The following THSD4 variants were observed in gnomAD, a reference collection of about 807,000 sequenced individuals.
THSD4 encodes the protein thrombospondin type-1 domain-containing protein 4.
In THSD4, 69 loss-of-function variants were observed where a neutral mutation model predicts 119.0. The ratio of observed to expected loss-of-function variants is 0.58; its 90% CI spans 0.48 to 0.71. The LOEUF (loss-of-function observed/expected upper bound fraction) is 0.71. Ranked by LOEUF, THSD4 falls within the 30% of genes least tolerant of loss-of-function variation. THSD4 has a pLI of 0.00. For missense variants in THSD4, 1,393 were observed against 1,391.1 expected (o/e 1.00, Z -0.02); for synonymous variants, 524 against 540.4 (o/e 0.97, Z 0.42).
At chr15:71,398,487 G>A (rs140830743) in intron 6 of THSD4, among the ~76,000 whole-genome samples, 2 of 152,266 alleles carry the variant, frequency 1.3e-5, no homozygotes, top group East Asian at 3.9e-4. Flanking sequence ...GCTGATGAAG[G>A]CCTGAGCTGG....
chr15:71,333,150 G>T, intron 6 of THSD4, among the ~76,000 whole-genome samples: 1 of 151,882 alleles, frequency 6.6e-6, no homozygotes. Flanking sequence ...ACGAGGTGGG[G>T]GCATAAAGAG....
In THSD4 at chr15:71,756,248, A is replaced by T. The variant is rs1290387814; in HGVS notation, c.2416-1654A>T. Among the ~76,000 whole-genome samples, 3 of 152,232 alleles carry T rather than the reference A, an allele frequency of 2.0e-5. No individual in the cohort carries two copies. The East Asian group carries it at 5.8e-4, about 29-fold the overall frequency. The stretch of plus-strand genomic sequence containing the variant: ...GGTAAGAAAGTAAACTGTGCTGGGA[A>T]CCATGGATGGAAAGGGGCAAGACAG... On this transcript the variant is annotated intron_variant, in intron 14 of 17. Coordinates refer to ENST00000261862, the MANE Select transcript of THSD4 (RefSeq NM_024817.3).
chr15:71,553,569 C>A (rs2048966887), intron 7 of THSD4, among the ~76,000 whole-genome samples: 1 of 152,158 alleles, frequency 6.6e-6, no homozygotes, highest in African/African-American at 2.4e-5. Flanking sequence ...TCAGGTGATC[C>A]ACCCGCCTTG....
chr15:71,134,307 G>A (rs1286092316), intron 1 of THSD4, among the ~76,000 whole-genome samples: 1 of 152,220 alleles, frequency 6.6e-6, no homozygotes, highest in Non-Finnish European at 1.5e-5. Context: ...TCTGGCCTGG[G>A]GCAGGATTTC....
At chr15:71,386,992 A>C (rs1296852808) in intron 6 of THSD4, among the ~76,000 whole-genome samples, 1 of 152,196 alleles carries the variant, frequency 6.6e-6, no homozygotes, top group Non-Finnish European at 1.5e-5. Context: ...TTAGGAGGCA[A>C]GGTTTCCGGG....
intron 7 of THSD4, among the ~76,000 whole-genome samples, chr15:71,621,553 A>G (rs2050418509): frequency 6.6e-6 from 1 of 152,224 alleles, no homozygotes; most frequent in Admixed American, 6.5e-5. Flanking sequence ...TTAAATAATC[A>G]TGTGTACATT....
At chr15:71,717,688 G>C (rs1255259780) in intron 8 of THSD4, among the ~76,000 whole-genome samples, 2 of 152,110 alleles carry the variant, frequency 1.3e-5, no homozygotes, top group Non-Finnish European at 2.9e-5. Context: ...TTAGAAGCAG[G>C]AGCTAGCAGC....
intron 6 of THSD4, among the ~76,000 whole-genome samples, chr15:71,384,106 G>A (rs910975740): frequency 2.6e-5 from 4 of 152,180 alleles, no homozygotes; most frequent in African/African-American, 4.8e-5. Context: ...GTGGCCGGGC[G>A]CGGTGGCTCA....
chr15:71,566,734 C>A (rs1268451058), intron 7 of THSD4, among the ~76,000 whole-genome samples: 1 of 150,946 alleles, frequency 6.6e-6, no homozygotes, highest in Non-Finnish European at 1.5e-5. Context: ...ATCCCAGGGC[C>A]CCCCCTCTTT....
intron 6 of THSD4, among the ~76,000 whole-genome samples, chr15:71,299,446 T>TGCTAAGTG (rs137879741): frequency 8.1e-4 from 124 of 152,334 alleles, no homozygotes; most frequent in African/African-American, 2.7e-3. Flanking sequence ...GAGGACTTTA[T>TGCTAAGTG]GCTAAGTGAA....
At chr15:71,353,719 C>G (rs1030785923) in intron 6 of THSD4, among the ~76,000 whole-genome samples, 3 of 152,218 alleles carry the variant, frequency 2.0e-5, no homozygotes, top group Non-Finnish European at 4.4e-5. Context: ...GTAGAATGCA[C>G]TGTCCCGACT....
At chr15:71,297,428 C>T (rs1293239250) in intron 6 of THSD4, among the ~76,000 whole-genome samples, 3 of 151,912 alleles carry the variant, frequency 2.0e-5, no homozygotes, top group African/African-American at 7.3e-5. Flanking sequence ...CTCTGCCTCC[C>T]AGGTTCAAGT....
At chr15:71,104,175 T>C (rs2040264576) in intron 1 of THSD4, among the ~76,000 whole-genome samples, 1 of 152,188 alleles carries the variant, frequency 6.6e-6, no homozygotes, top group Non-Finnish European at 1.5e-5. Context: ...GATATCTTTG[T>C]TTATATGTAT....
At chr15:71,356,789 G>A (rs181259189) in intron 6 of THSD4, among the ~76,000 whole-genome samples, 61 of 152,130 alleles carry the variant, frequency 4.0e-4, no homozygotes, top group African/African-American at 1.4e-3. Context: ...TTCATAGCTG[G>A]GACCTGGATC....
At chr15:71,372,320 G>A (rs761620422) in intron 6 of THSD4, among the ~76,000 whole-genome samples, 2 of 152,224 alleles carry the variant, frequency 1.3e-5, no homozygotes, top group African/African-American at 4.8e-5. Context: ...CGTTGCTGGC[G>A]AGGAGCTGCT....
At chr15:71,282,218 C>G (rs773512056) in intron 6 of THSD4, among the ~76,000 whole-genome samples, 1 of 152,116 alleles carries the variant, frequency 6.6e-6, no homozygotes, top group African/African-American at 2.4e-5. Context: ...TTTGTTCTCT[C>G]TGTGGACTAT....
At chr15:71,749,956 C>T (rs2053417505) in intron 14 of THSD4, among the ~76,000 whole-genome samples, 1 of 152,098 alleles carries the variant, frequency 6.6e-6, no homozygotes, top group South Asian at 2.1e-4. Context: ...TCTCAAACTC[C>T]TGGGCTCAAG....
rs116654648 is a variant in THSD4, at chr15:71,323,510, G to T, written c.1015+66795G>T. Among the ~76,000 whole-genome samples the T allele has an allele frequency of 4.6e-3, 700 of 152,320 alleles. 5 individuals are homozygous for T. Among genetic ancestry groups the T allele is most frequent in the African/African-American group, 0.016 (679 of 41,558 alleles). ...CCTGTTCCATTCTCTCAGGTTCCCT[G>T]AAAACTGGTTGAAGAGCTGCAGGGG... On this transcript the variant is annotated intron_variant, in intron 6 of 17. Coordinates refer to ENST00000261862, the MANE Select transcript of THSD4 (RefSeq NM_024817.3).
At chr15:71,589,355 TA>T (rs2049751903) in intron 7 of THSD4, among the ~76,000 whole-genome samples, 1 of 133,784 alleles carries the variant, frequency 7.5e-6, no homozygotes, top group Non-Finnish European at 1.7e-5. Flanking sequence ...ATTATTTATT[TA>T]TTTATTTTTT....
Sources: allele counts gnomAD v4.1 joint callset (sites outside exome capture counted in the v4.1 genomes callset), GRCh38; gene constraint gnomAD v4.1.1; transcripts MANE v1.5; gene names NCBI Gene and HGNC (gene_info 2026-07-23, HGNC 2026-07-21).